The following PDXDC1 variants were observed in gnomAD, a reference collection of about 807,000 sequenced individuals.
PDXDC1 encodes pyridoxal-dependent decarboxylase domain-containing protein 1.
PDXDC1 carries 42 observed loss-of-function variants against 100.1 expected under a neutral mutation model. The observed-to-expected ratio is 0.42, with a 90% CI of 0.33 to 0.54. The LOEUF is 0.54. Ranked by LOEUF, PDXDC1 falls within the 20% of genes least tolerant of loss-of-function variation. The pLI is 0.10. For synonymous variants in PDXDC1, 260 were observed against 371.7 expected (o/e 0.70, Z 3.46); for missense variants, 636 against 979.2 (o/e 0.65, Z 4.68).
rs1437257877 is a variant in PDXDC1, at chr16:15,017,104, G to T, written c.813-16G>T. 6.2e-7 allele frequency: 1 copy of T among 1,613,902 alleles called. No homozygotes were observed. The highest frequency in any genetic ancestry group is 1.1e-5 in the South Asian group (1 of 91,062). ...CATTAAATAATTAGTTCTTGGACTG[G>T]TGTTTTTTCTTCCAGTGTGAATCTG... On this transcript the variant is annotated splice_polypyrimidine_tract_variant and intron_variant, in intron 9 of 22. Transcript: ENST00000396410.
intron 16 of PDXDC1, chr16:15,131,487 C>T (rs1598246556): frequency 1.2e-6 from 2 of 1,607,620 alleles, no homozygotes; most frequent in East Asian, 4.5e-5. Flanking sequence ...CGCCATAGCA[C>T]AGCAGGCTCC....
chr16:14,993,561 G>T (rs1353602011), intron 1 of PDXDC1, among the ~76,000 whole-genome samples: 3 of 152,298 alleles, frequency 2.0e-5, no homozygotes, highest in Non-Finnish European at 4.4e-5. Context: ...ATTTGGGTTG[G>T]TTCCAAGTCT....
chr16:15,128,240 G>A (rs781450850), intron 16 of PDXDC1: 6 of 1,611,196 alleles, frequency 3.7e-6, no homozygotes, highest in East Asian at 2.2e-5. Context: ...TGCCACACTC[G>A]GATCTTCCAC....
chr16:14,988,685 G>A (rs549203679), intron 1 of PDXDC1: 1 of 1,613,748 alleles, frequency 6.2e-7, no homozygotes, highest in African/African-American at 1.3e-5. Context: ...CGGCCAGGTT[G>A]ATATGGTCGT....
At chr16:15,029,015 C>T (rs1432388447) in intron 15 of PDXDC1, 49 bp downstream of exon 15, 2 of 1,582,426 alleles carry the variant, frequency 1.3e-6, no homozygotes, top group Non-Finnish European at 8.6e-7. Context: ...CGTCCATCAC[C>T]ATCCGACCTG....
intron 1 of PDXDC1, among the ~76,000 whole-genome samples, chr16:14,980,059 CT>C (rs1326451346): frequency 2.0e-5 from 3 of 152,288 alleles, no homozygotes; most frequent in Non-Finnish European, 2.9e-5. Flanking sequence ...TTATCTAATA[CT>C]GGCTGTCAGG....
chr16:15,017,266 G>T (rs568190376), intron 10 of PDXDC1, 55 bp from the exon 11 acceptor site: 2 of 1,598,782 alleles, frequency 1.3e-6, no homozygotes, highest in African/African-American at 2.7e-5. Context: ...ATGGAGGAGG[G>T]TGTTAGGTTT....
chr16:14,984,725 A>G (rs1968925587), intron 1 of PDXDC1, among the ~76,000 whole-genome samples: 3 of 151,976 alleles, frequency 2.0e-5, no homozygotes, highest in African/African-American at 2.4e-5. Flanking sequence ...TCAAACTCCT[A>G]TCGTGATCCG....
intron 12 of PDXDC1, among the ~76,000 whole-genome samples, chr16:15,021,665 T>C (rs564362758): frequency 1.7e-4 from 26 of 152,402 alleles, no homozygotes; most frequent in African/African-American, 6.0e-4. Context: ...CTCCTGAGGA[T>C]TTGAATGCTG....
At chr16:15,022,852 T>C (rs2042310184) in intron 13 of PDXDC1, 98 bp downstream of exon 13, 2 of 997,810 alleles carry the variant, frequency 2.0e-6, no homozygotes, top group African/African-American at 1.7e-5. Context: ...TTCTCCACAT[T>C]TCAGTGGAAT....
chr16:15,029,186 C>T (rs1168646417), intron 15 of PDXDC1: 1 of 644,488 alleles, frequency 1.6e-6, no homozygotes, highest in Non-Finnish European at 2.8e-6. Flanking sequence ...CCCTCACTTT[C>T]CTTGCTGCTG....
intron 16 of PDXDC1, among the ~76,000 whole-genome samples, chr16:15,098,734 C>T (rs1259253563): frequency 6.6e-6 from 1 of 151,990 alleles, no homozygotes; most frequent in Admixed American, 6.5e-5. Context: ...CAAAATTAGC[C>T]TGGCATGGTG....
At chr16:15,024,816 C>A (rs1314708020) in intron 13 of PDXDC1, among the ~76,000 whole-genome samples, 1 of 152,312 alleles carries the variant, frequency 6.6e-6, no homozygotes, top group Admixed American at 6.5e-5. Context: ...GATCATCTCC[C>A]ACCGTCAGAC....
At chr16:15,083,162 A>T (rs1437785267) in intron 16 of PDXDC1, among the ~76,000 whole-genome samples, 4 of 152,230 alleles carry the variant, frequency 2.6e-5, no homozygotes. Context: ...GCACTTTGGG[A>T]GGCCGAGGCA....
chr16:15,128,725 C>T (rs1247037080), intron 16 of PDXDC1, among the ~76,000 whole-genome samples: 2 of 152,160 alleles, frequency 1.3e-5, no homozygotes, highest in East Asian at 1.9e-4. Context: ...CCGCACCACA[C>T]ACCCGTCCCT....
chr16:15,033,154 C>A (rs1487234410), intron 18 of PDXDC1, 124 bp from the exon 19 acceptor site: 2 of 1,162,246 alleles, frequency 1.7e-6, no homozygotes, highest in South Asian at 1.3e-5. Flanking sequence ...TTTCTCTCCG[C>A]CCTTAGAATC....
intron 16 of PDXDC1, among the ~76,000 whole-genome samples, chr16:15,115,034 C>G (rs1248885269): frequency 2.7e-5 from 4 of 147,038 alleles, no homozygotes; most frequent in Admixed American, 6.9e-5. Context: ...CTCCTGGGCT[C>G]AAGCCATTCT....
chr16:15,112,588 A>C (rs997350526), intron 16 of PDXDC1, among the ~76,000 whole-genome samples: 3 of 151,918 alleles, frequency 2.0e-5, no homozygotes, highest in African/African-American at 7.3e-5. Context: ...GATAAAAAAA[A>C]AATCATGTAC....
At chr16:15,098,331 G>T (rs1308357688) in intron 16 of PDXDC1, among the ~76,000 whole-genome samples, 3 of 151,190 alleles carry the variant, frequency 2.0e-5, no homozygotes, top group Admixed American at 6.6e-5. Context: ...CTCCTGAGTA[G>T]CTGGGACTAC....
Sources: gnomAD v4.1 joint callset for allele counts (sites outside exome capture counted in the v4.1 genomes callset) on GRCh38, gnomAD v4.1.1 for gene constraint, MANE v1.5 for transcripts, NCBI Gene and HGNC (gene_info 2026-07-23, HGNC 2026-07-21) for gene names.